Variants in SPOCK3 observed in about 807,000 individuals in gnomAD.
SPOCK3 encodes the protein SPARC (osteonectin), cwcv and kazal like domains proteoglycan 3, also known as testican-3.
Under a neutral mutation model 56.6 loss-of-function variants are expected in SPOCK3, and 30 were observed. The ratio of observed to expected loss-of-function variants is 0.53; its 90% confidence interval spans 0.40 to 0.72. The LOEUF (loss-of-function observed/expected upper bound fraction) is 0.72, where lower values mean the gene tolerates loss of function less well. Among genes scored for constraint, SPOCK3 ranks in the 30% least tolerant of loss-of-function variants. The pLI is 0.00. For missense variants in SPOCK3, 527 were observed against 530.0 expected, an observed-to-expected ratio of 0.99 and a Z score of 0.06; for synonymous variants, 196 against 183.3, an observed-to-expected ratio of 1.07 and a Z score of -0.56.
intron 2 of SPOCK3, among the ~76,000 whole-genome samples, chr4:167,074,152 C>CAG (rs1164828290): frequency 6.6e-6 from 1 of 151,782 alleles, no homozygotes; most frequent in Admixed American, 6.6e-5. Flanking sequence ...AACAGTTCCC[C>CAG]AGGAATCCAC....
intron 2 of SPOCK3, among the ~76,000 whole-genome samples, chr4:167,209,390 G>A (rs1354090167): frequency 6.6e-6 from 1 of 151,974 alleles, no homozygotes; most frequent in Non-Finnish European, 1.5e-5. Flanking sequence ...AATGCAAAAG[G>A]CCTATAAATT....
At chr4:166,909,421 T>C (rs1737007517) in intron 5 of SPOCK3, among the ~76,000 whole-genome samples, 4 of 152,064 alleles carry the variant, frequency 2.6e-5, no homozygotes, top group Admixed American at 2.0e-4. Context: ...AGATGTGCAA[T>C]GAAAATATCA....
chr4:166,830,878 T>A (rs1172579924), intron 6 of SPOCK3, among the ~76,000 whole-genome samples: 1 of 152,214 alleles, frequency 6.6e-6, no homozygotes, highest in Admixed American at 6.5e-5. Context: ...AGGAAGAAAC[T>A]ATTTAATTCT....
chr4:166,752,041 G>A (rs958475695), intron 8 of SPOCK3, among the ~76,000 whole-genome samples: 52 of 151,876 alleles, frequency 3.4e-4, no homozygotes, highest in African/African-American at 1.2e-3. Flanking sequence ...TGTTGTTGTT[G>A]TTGTTGAGGT....
intron 2 of SPOCK3, among the ~76,000 whole-genome samples, chr4:167,088,848 G>A (rs1232451549): frequency 1.3e-5 from 2 of 152,094 alleles, no homozygotes; most frequent in African/African-American, 2.4e-5. Flanking sequence ...TACATTCGAT[G>A]ATGAATCCTA....
intron 6 of SPOCK3, among the ~76,000 whole-genome samples, chr4:166,887,225 T>C (rs1734292861): frequency 6.6e-6 from 1 of 152,200 alleles, no homozygotes; most frequent in African/African-American, 2.4e-5. Context: ...TTATCATAAA[T>C]TAATACTACA....
intron 2 of SPOCK3, among the ~76,000 whole-genome samples, chr4:167,084,685 G>T (rs143822398): frequency 3.2e-4 from 49 of 152,220 alleles, no homozygotes; most frequent in African/African-American, 1.1e-3. Context: ...GGTATCTGAG[G>T]TGCCCACCCT....
chr4:166,899,242 A>C (rs1054443226), intron 5 of SPOCK3, among the ~76,000 whole-genome samples: 27 of 117,342 alleles, frequency 2.3e-4, no homozygotes, highest in Admixed American at 1.8e-3. Flanking sequence ...AAATCTCCTC[A>C]TATCTATCTA....
chr4:167,102,848 T>C (rs887813583), intron 2 of SPOCK3, among the ~76,000 whole-genome samples: 1 of 139,012 alleles, frequency 7.2e-6, no homozygotes, highest in African/African-American at 2.8e-5. Context: ...AGACAGGGGA[T>C]GTGGGACACC....
In SPOCK3 at chr4:166,733,634, G is replaced by A. The variant is rs948406110; in HGVS notation, c.*1287C>T. On this transcript the variant is annotated 3_prime_UTR_variant, in exon 11 of 11. Transcript: ENST00000357545. ...TTTTTATTATGGGCACAAAACCATT[G>A]GTATGATATAGTTAAAAGTGATGGT... 2 of 152,030 alleles carry A rather than the reference G, an allele frequency of 1.3e-5. No homozygotes were observed. The highest frequency in any genetic ancestry group is 4.8e-5 in the African/African-American group (2 of 41,366). 9.4% of individuals were successfully genotyped at this position (152,030 alleles called of 1,614,324 possible). A position where few individuals can be genotyped will look rare whatever the true frequency, so the allele number is the denominator to read the frequency against.
chr4:166,924,567 G>A (rs985146321), intron 4 of SPOCK3, among the ~76,000 whole-genome samples: 2 of 152,136 alleles, frequency 1.3e-5, no homozygotes, highest in African/African-American at 4.8e-5. Context: ...TGACCAACTG[G>A]AGGCCATAAA....
chr4:166,743,190 T>G (rs1008582833), intron 8 of SPOCK3, among the ~76,000 whole-genome samples: 1 of 152,086 alleles, frequency 6.6e-6, no homozygotes, highest in African/African-American at 2.4e-5. Context: ...TTGCTGTTAA[T>G]GCTTGCTATA....
At chr4:167,023,070 AT>A (rs948373582) in intron 3 of SPOCK3, among the ~76,000 whole-genome samples, 26 of 149,876 alleles carry the variant, frequency 1.7e-4, no homozygotes, top group Admixed American at 5.3e-4. Flanking sequence ...ATGCACAGGA[AT>A]TTTTTTTTTG....
At chr4:166,891,381 A>T (rs1579554926) in intron 5 of SPOCK3, among the ~76,000 whole-genome samples, 1 of 152,112 alleles carries the variant, frequency 6.6e-6, no homozygotes, top group East Asian at 1.9e-4. Context: ...AGCTAATCAG[A>T]TTACTCATGT....
chr4:167,029,129 C>T, intron 3 of SPOCK3, among the ~76,000 whole-genome samples: 1 of 151,972 alleles, frequency 6.6e-6, no homozygotes, highest in East Asian at 1.9e-4. Flanking sequence ...TCCATGTATT[C>T]TCATCATGCA....
At chr4:167,172,080 C>G (rs1730552238) in intron 2 of SPOCK3, among the ~76,000 whole-genome samples, 2 of 152,136 alleles carry the variant, frequency 1.3e-5, no homozygotes, top group African/African-American at 4.8e-5. Flanking sequence ...TCTGGCGAGT[C>G]TCTAGGCAGA....
intron 5 of SPOCK3, among the ~76,000 whole-genome samples, chr4:166,898,482 G>A (rs1735655032): frequency 6.6e-6 from 1 of 152,104 alleles, no homozygotes; most frequent in Non-Finnish European, 1.5e-5. Flanking sequence ...GGTTCTGTTG[G>A]AGAAGGTGGC....
intron 3 of SPOCK3, among the ~76,000 whole-genome samples, chr4:167,036,448 C>T (rs2150191133): frequency 6.6e-6 from 1 of 152,268 alleles, no homozygotes; most frequent in East Asian, 1.9e-4. Flanking sequence ...TTTAGTCCTA[C>T]TGTAAGCCGG....
At chr4:167,114,183 G>C (rs899654303) in intron 2 of SPOCK3, among the ~76,000 whole-genome samples, 4 of 152,024 alleles carry the variant, frequency 2.6e-5, no homozygotes, top group African/African-American at 9.7e-5. Context: ...CAAACAATGA[G>C]AAAATACACA....
Sources: allele counts gnomAD v4.1 joint callset (sites outside exome capture counted in the v4.1 genomes callset), GRCh38; gene constraint gnomAD v4.1.1; transcripts MANE v1.5; gene names NCBI Gene and HGNC (gene_info 2026-07-23, HGNC 2026-07-21).